STAU2: variants seen among roughly 807,000 people sequenced by gnomAD.
STAU2 encodes double-stranded RNA-binding protein Staufen homolog 2.
In STAU2, 20 loss-of-function variants were observed where a neutral mutation model predicts 65.9. The ratio of observed to expected loss-of-function variants is 0.30; its 90% CI spans 0.21 to 0.44. The LOEUF (loss-of-function observed/expected upper bound fraction) is 0.44. Among genes scored for constraint, STAU2 ranks in the 20% least tolerant of loss-of-function variants. The pLI is 1.00. For synonymous variants in STAU2, 232 were observed against 233.9 expected (o/e 0.99, Z 0.07); for missense variants, 558 against 683.9 (o/e 0.82, Z 2.05).
At chr8:73,572,069 T>C (rs570630390) in intron 12 of STAU2, among the ~76,000 whole-genome samples, 50 of 152,142 alleles carry the variant, frequency 3.3e-4, no homozygotes, top group African/African-American at 8.7e-4. Flanking sequence ...AAAGGGGATA[T>C]CACCACCCAT....
At chr8:73,747,445 C>T (rs1807365105), upstream of STAU2, 10 of 1,534,790 alleles carry the variant, frequency 6.5e-6, no homozygotes, top group Non-Finnish European at 8.7e-6. Flanking sequence ...GACCATCCCG[C>T]GTCTGCTCCG....
chr8:73,595,753 A>T (rs1359062863), intron 10 of STAU2, among the ~76,000 whole-genome samples: 1 of 152,210 alleles, frequency 6.6e-6, no homozygotes, highest in African/African-American at 2.4e-5. Flanking sequence ...ATTCAAGTTT[A>T]CAAAGATTTA....
intron 3 of STAU2, among the ~76,000 whole-genome samples, chr8:73,715,803 A>G (rs1014656919): frequency 1.3e-5 from 2 of 152,238 alleles, no homozygotes; most frequent in Non-Finnish European, 2.9e-5. Flanking sequence ...AACTACATGA[A>G]TCATGCAGCT....
intron 6 of STAU2, among the ~76,000 whole-genome samples, chr8:73,650,275 G>A (rs1157600930): frequency 6.6e-6 from 1 of 151,758 alleles, no homozygotes; most frequent in Non-Finnish European, 1.5e-5. Context: ...TTTTTTTTAA[G>A]TATAAATTAT....
At chr8:73,664,261 C>T (rs1011649350) in intron 6 of STAU2, among the ~76,000 whole-genome samples, 3 of 152,074 alleles carry the variant, frequency 2.0e-5, no homozygotes, top group African/African-American at 7.2e-5. Context: ...TAAGCTCAAG[C>T]AATCTGCCCA....
intron 3 of STAU2, among the ~76,000 whole-genome samples, chr8:73,710,376 CTTTTTTTTT>C: frequency 7.5e-6 from 1 of 133,658 alleles, no homozygotes; most frequent in East Asian, 2.2e-4. Context: ...GGCTTCTATC[CTTTTTTTTT>C]TTTTTTTGTA....
intron 12 of STAU2, among the ~76,000 whole-genome samples, chr8:73,570,605 C>T (rs538293421): frequency 4.6e-5 from 7 of 152,152 alleles, no homozygotes; most frequent in Non-Finnish European, 1.0e-4. Flanking sequence ...GAGAACGCCA[C>T]AAAGATGCTC....
chr8:73,650,431 G>A (rs1815773650), intron 6 of STAU2, among the ~76,000 whole-genome samples: 1 of 152,078 alleles, frequency 6.6e-6, no homozygotes, highest in Non-Finnish European at 1.5e-5. Flanking sequence ...ATGTATATGT[G>A]TGTGGATGTA....
chr8:73,497,909 A>T (rs1821514630), intron 13 of STAU2, among the ~76,000 whole-genome samples: 2 of 151,868 alleles, frequency 1.3e-5, no homozygotes. Flanking sequence ...TTGTCAAAAT[A>T]CAAAAGGTGT....
At chr8:73,719,611 T>C (rs747972680) in intron 3 of STAU2, among the ~76,000 whole-genome samples, 4 of 152,228 alleles carry the variant, frequency 2.6e-5, no homozygotes, top group Non-Finnish European at 5.9e-5. Flanking sequence ...ATATGTTAAA[T>C]TACACTACTG....
At chr8:73,710,838 C>T (rs1820840479) in intron 3 of STAU2, among the ~76,000 whole-genome samples, 1 of 151,870 alleles carries the variant, frequency 6.6e-6, no homozygotes, top group African/African-American at 2.4e-5. Context: ...ATTGTAGCCA[C>T]AAGAATACTT....
chr8:73,509,269 T>C (rs567246996), intron 13 of STAU2, among the ~76,000 whole-genome samples: 20 of 152,288 alleles, frequency 1.3e-4, no homozygotes, highest in African/African-American at 4.6e-4. Context: ...TCTTCTCAGG[T>C]GCTTATTAGC....
chr8:73,681,405 G>A (rs1818420256), intron 5 of STAU2, among the ~76,000 whole-genome samples: 1 of 151,996 alleles, frequency 6.6e-6, no homozygotes, highest in Non-Finnish European at 1.5e-5. Context: ...TCTTTTTCAG[G>A]CAAACAAATG....
chr8:73,708,811 T>C (rs1341178360), intron 4 of STAU2, among the ~76,000 whole-genome samples: 1 of 152,198 alleles, frequency 6.6e-6, no homozygotes, highest in Non-Finnish European at 1.5e-5. Flanking sequence ...TGTGGTTTTA[T>C]TAAGATTTAT....
chr8:73,658,509 C>T (rs1221916901), intron 6 of STAU2, among the ~76,000 whole-genome samples: 1 of 152,162 alleles, frequency 6.6e-6, no homozygotes, highest in East Asian at 1.9e-4. Flanking sequence ...CAAAATCTTA[C>T]CCAGAATTTA....
chr8:73,746,395 GC>G (rs1807281112), intron 1 of STAU2, among the ~76,000 whole-genome samples: 1 of 151,456 alleles, frequency 6.6e-6, no homozygotes, highest in Non-Finnish European at 1.5e-5. Context: ...TACCACCCCG[GC>G]CCCCTAGAAC....
intron 11 of STAU2, chr8:73,590,670 A>C (rs1350288218): frequency 6.6e-6 from 1 of 152,282 alleles, no homozygotes; most frequent in Non-Finnish European, 1.5e-5. Flanking sequence ...CACCCTGGAC[A>C]CCTTACCAAG....
chr8:73,653,320 C>T (rs1404166581), intron 6 of STAU2: 1 of 152,088 alleles, frequency 6.6e-6, no homozygotes, highest in Non-Finnish European at 1.5e-5. Context: ...AGAATTGTGG[C>T]ATTTTCTATT....
At chr8:73,543,276 G>A (rs1055854706) in intron 13 of STAU2, among the ~76,000 whole-genome samples, 18 of 152,082 alleles carry the variant, frequency 1.2e-4, no homozygotes, top group East Asian at 7.7e-4. Context: ...GAAAATCGGC[G>A]GCAAGGGCGG....
Sources: gnomAD v4.1 joint callset for allele counts (sites outside exome capture counted in the v4.1 genomes callset) on GRCh38, gnomAD v4.1.1 for gene constraint, MANE v1.5 for transcripts, NCBI Gene and HGNC (gene_info 2026-07-23, HGNC 2026-07-21) for gene names.